The following PRKAG2 variants were observed in gnomAD, a reference collection of about 807,000 sequenced individuals.
The protein encoded by PRKAG2 is 5'-AMP-activated protein kinase subunit gamma-2.
A neutral mutation model predicts 69.6 loss-of-function variants in PRKAG2; 26 were observed. That is an observed-to-expected ratio of 0.37 (90% CI 0.27 to 0.52). PRKAG2 has a LOEUF of 0.52. Among genes scored for constraint, PRKAG2 ranks in the 20% least tolerant of loss-of-function variants. PRKAG2 has a pLI of 0.90. For missense variants in PRKAG2, 557 were observed against 740.0 expected (o/e 0.75, Z 2.87); for synonymous variants, 293 against 285.0 (o/e 1.03, Z -0.28).
rs1341364717 is a variant in PRKAG2 at position 151,699,192 on chromosome 7, T to C, written c.467-23555A>G. Among the ~76,000 whole-genome samples, 2 of 152,226 alleles carry C rather than the reference T, an allele frequency of 1.3e-5. No homozygotes were observed. The highest frequency in any genetic ancestry group is 4.8e-5 in the African/African-American group (2 of 41,462). On this transcript the variant is annotated intron_variant, in intron 3 of 15. Transcript: ENST00000287878. This position sits in a 1 kb window ranked among gnomAD's most constrained non-coding sequence, Gnocchi z 4.5. ...TTGTGTCTCTTTGACACCTGGGATG[T>C]AAGCTGTGAAAGCTAAACTGCACTG... is the stretch of plus-strand genomic sequence containing the variant.
rs1042047141 is a variant in PRKAG2, at chr7:151,781,202, T to A, written c.416A>T (p.Asn139Ile). ...GATGCCCCCGGGCGAGGTAGCAGGG[T>A]TGGAGTTGGGGGAAGACTCTTTGGA... The part of the protein sequence containing the change: ...SSSKESSPNS[N>I]PATSPGGIRF... Residue 139 changes from asparagine (N) to isoleucine (I), a missense_variant, in exon 3 of 16, where the codon AAC (asparagine) becomes ATC (isoleucine). Asn to Ile is a moderately radical substitution (Grantham distance 149, BLOSUM62 -3). Around this residue, in one of 2 missense-constraint regions of PRKAG2, gnomAD observed 352 missense variants for 356.7 expected, o/e 0.99. Transcript: ENST00000287878. This position sits in a 1 kb window ranked among gnomAD's most constrained non-coding sequence, Gnocchi z 6.1. 1.9e-6 allele frequency: 3 copies of A among 1,613,928 alleles called. No individual in the cohort carries two copies. The East Asian group carries it at 6.7e-5, about 36-fold the overall frequency.
intron 1 of PRKAG2, among the ~76,000 whole-genome samples, chr7:151,834,600 G>A (rs1260444741): frequency 6.6e-6 from 1 of 152,224 alleles, no homozygotes. Context: ...CATAGTGGGA[G>A]GAGGAACACC....
At chr7:151,773,035 GA>G (rs2076123589) in intron 3 of PRKAG2, among the ~76,000 whole-genome samples, 1 of 33,056 alleles carries the variant, frequency 3.0e-5, no homozygotes, top group African/African-American at 1.2e-4. Flanking sequence ...GAGAGAGAGA[GA>G]GAGAGAGAGA....
chr7:151,592,025 G>A (rs3789811), intron 6 of PRKAG2, among the ~76,000 whole-genome samples: 21,857 of 151,998 alleles, frequency 0.14, 1,685 homozygotes, highest in East Asian at 0.26. Flanking sequence ...CATGCACAGC[G>A]ACCCTCTCTC....
At chr7:151,808,025 C>T (rs375834214) in intron 1 of PRKAG2, among the ~76,000 whole-genome samples, 96 of 152,120 alleles carry the variant, frequency 6.3e-4, no homozygotes, top group African/African-American at 2.3e-3. Flanking sequence ...GCACAGGGAC[C>T]GCCCCGCAGC....
At chr7:151,576,344 G>A (rs781633077) in intron 7 of PRKAG2, 27 bp downstream of exon 7, 4 of 1,547,028 alleles carry the variant, frequency 2.6e-6, no homozygotes, top group African/African-American at 1.4e-5. Flanking sequence ...TTCCATTTTC[G>A]ATTTTCCTCA....
At chr7:151,759,722 AC>A (rs1216576070) in intron 3 of PRKAG2, among the ~76,000 whole-genome samples, 1 of 151,976 alleles carries the variant, frequency 6.6e-6, no homozygotes, top group Non-Finnish European at 1.5e-5. Context: ...AGGCTATGTC[AC>A]CCCCTAGTGG....
chr7:151,857,829 G>C (rs2079823687), intron 1 of PRKAG2, among the ~76,000 whole-genome samples: 1 of 152,216 alleles, frequency 6.6e-6, no homozygotes, highest in Non-Finnish European at 1.5e-5. Context: ...GCATCAGAAG[G>C]CGGGCATACA....
Position 151,614,349 on chromosome 7 carries a change from G to T in PRKAG2, c.754+17720C>A, listed in dbSNP as rs948668132. Among the ~76,000 whole-genome samples, 2 of 152,140 alleles carry T rather than the reference G, an allele frequency of 1.3e-5. No individual in the cohort carries two copies. The highest frequency in any genetic ancestry group is 1.3e-4 in the Admixed American group (2 of 15,270). On this transcript the variant is annotated intron_variant, in intron 5 of 15. Coordinates refer to ENST00000287878, the MANE Select transcript of PRKAG2 (RefSeq NM_016203.4). This position sits in a 1 kb window ranked among gnomAD's most constrained non-coding sequence, Gnocchi z 4.4. ...AGCAGGGTGGCAGGGAGGCCATGGG[G>T]TCGGTTACGTTGGGCGCTTGGCATG...
intron 5 of PRKAG2, among the ~76,000 whole-genome samples, chr7:151,624,788 G>A (rs1242364679): frequency 6.6e-6 from 1 of 152,096 alleles, no homozygotes; most frequent in African/African-American, 2.4e-5. Context: ...CACTTCCTCC[G>A]TTGCTCCGCC....
chr7:151,759,553 G>T (rs1037339986), intron 3 of PRKAG2, among the ~76,000 whole-genome samples: 1 of 152,170 alleles, frequency 6.6e-6, no homozygotes, highest in Non-Finnish European at 1.5e-5. Flanking sequence ...GAAACGCCTG[G>T]GCAGGCAGGT....
chr7:151,721,914 C>G (rs919789256), intron 3 of PRKAG2, among the ~76,000 whole-genome samples: 18 of 152,140 alleles, frequency 1.2e-4, no homozygotes, highest in Non-Finnish European at 2.6e-4. Flanking sequence ...CTATCCCAAC[C>G]CTGCTACTCC....
intron 3 of PRKAG2, among the ~76,000 whole-genome samples, chr7:151,748,110 G>A (rs1159952588): frequency 6.6e-6 from 1 of 151,818 alleles, no homozygotes; most frequent in Admixed American, 6.6e-5. Context: ...TTGTAGAGAT[G>A]GGGTTTCACC....
Position 151,594,034 on chromosome 7 carries a change from C to A in PRKAG2, c.864+1311G>T, listed in dbSNP as rs142299377. Among the ~76,000 whole-genome samples, 26 of 152,292 alleles carry A rather than the reference C, an allele frequency of 1.7e-4. No individual in the cohort carries two copies. The East Asian group carries it at 5.0e-3, about 29-fold the overall frequency. ...GCATGGGAACAGAAGCAGGCCACAC[C>A]TGGGGGTCCCTGGGGAGGTCTAAAG... On this transcript the variant is annotated intron_variant, in intron 6 of 15. Coordinates refer to ENST00000287878, the MANE Select transcript of PRKAG2 (RefSeq NM_016203.4).
In PRKAG2 at chr7:151,776,796, G is replaced by A. The variant is rs528331559; in HGVS notation, c.466+4356C>T. On this transcript the variant is annotated intron_variant, in intron 3 of 15. Transcript: ENST00000287878. ...TTCTGGAATGAGAGGTAGCTGAGGG[G>A]CTCATATACCCCAGTGTGTGGATTA... Among the ~76,000 whole-genome samples the A allele has an allele frequency of 4.2e-4, 64 of 152,340 alleles. 1 individual carries two copies. In the South Asian group the frequency reaches 0.013, roughly 31 times the overall value.
At chr7:151,752,313 G>A (rs1191818056) in intron 3 of PRKAG2, among the ~76,000 whole-genome samples, 2 of 152,160 alleles carry the variant, frequency 1.3e-5, no homozygotes, top group African/African-American at 4.8e-5. Context: ...AGAAAACCAA[G>A]TGCTGCATGT....
At position 151,748,107 on chromosome 7, in the gene PRKAG2, G is replaced by T. The variant is rs1217814593; in HGVS notation, c.466+33045C>A. On this transcript the variant is annotated intron_variant, in intron 3 of 15. Transcript: ENST00000287878. ...GGCTAATTTTTGTAGTTTTTGTAGA[G>T]ATGGGGTTTCACCATGTTGCCCAGA... Among the ~76,000 whole-genome samples the T allele has an allele frequency of 3.3e-5, 5 of 151,996 alleles. No homozygotes were observed. The East Asian group carries it at 9.6e-4, about 29-fold the overall frequency.
At chr7:151,564,293 G>T in intron 13 of PRKAG2, 69 bp from the exon 14 acceptor site, 1 of 1,531,286 alleles carries the variant, frequency 6.5e-7, no homozygotes, top group Non-Finnish European at 9.0e-7. Context: ...AAATTAGTGA[G>T]CTTAAGAGAG....
chr7:151,607,211 C>CA (rs1454319795), intron 5 of PRKAG2, among the ~76,000 whole-genome samples: 1 of 152,164 alleles, frequency 6.6e-6, no homozygotes, highest in African/African-American at 2.4e-5. Flanking sequence ...CAATTATAAA[C>CA]ACTAAATTGA....
Sources: allele counts gnomAD v4.1 joint callset (sites outside exome capture counted in the v4.1 genomes callset), GRCh38; gene constraint gnomAD v4.1.1; regional missense constraint gnomAD v4.1.1; non-coding constraint Gnocchi (gnomAD v3.1); transcripts MANE v1.5; gene names NCBI Gene and HGNC (gene_info 2026-07-23, HGNC 2026-07-21).